MMS22L: variants seen among roughly 807,000 people sequenced by gnomAD.
MMS22L encodes the protein protein MMS22-like.
A neutral mutation model predicts 159.1 loss-of-function variants in MMS22L; 74 were observed. That is an observed-to-expected ratio of 0.47 (90% CI 0.39 to 0.56). MMS22L has a LOEUF of 0.56. MMS22L is among the 20% of genes least tolerant of loss of function. The pLI is 0.00. For synonymous variants in MMS22L, 517 were observed against 506.9 expected (o/e 1.02, Z -0.27); for missense variants, 1,351 against 1,422.1 (o/e 0.95, Z 0.80).
At chr6:97,262,316 T>G (rs1430125296) in intron 9 of MMS22L, among the ~76,000 whole-genome samples, 1 of 151,996 alleles carries the variant, frequency 6.6e-6, no homozygotes, top group Non-Finnish European at 1.5e-5. Context: ...ATAAATACAG[T>G]ACTTGCAAAC....
At chr6:97,150,846 A>G (rs1413680772) in intron 23 of MMS22L, among the ~76,000 whole-genome samples, 2 of 152,208 alleles carry the variant, frequency 1.3e-5, no homozygotes, top group Non-Finnish European at 2.9e-5. Context: ...GTGAACTGGA[A>G]GAAATCTTCA....
chr6:97,187,316 C>T (rs1805352770), intron 14 of MMS22L, among the ~76,000 whole-genome samples: 1 of 152,086 alleles, frequency 6.6e-6, no homozygotes, highest in Non-Finnish European at 1.5e-5. Flanking sequence ...TAATCATTTA[C>T]TCACCTTTGC....
intron 22 of MMS22L, among the ~76,000 whole-genome samples, chr6:97,156,442 T>C (rs1375994467): frequency 6.6e-6 from 1 of 152,256 alleles, no homozygotes; most frequent in Admixed American, 6.5e-5. Flanking sequence ...AGGGTTTTTA[T>C]GGTTTTAGGT....
chr6:97,161,949 G>A, intron 22 of MMS22L, 53 bp downstream of exon 22: 1 of 1,543,330 alleles, frequency 6.5e-7, no homozygotes, highest in Non-Finnish European at 8.8e-7. Flanking sequence ...GGAAACAGTA[G>A]TTTCTTAACT....
intron 10 of MMS22L, among the ~76,000 whole-genome samples, chr6:97,251,950 GC>G (rs1376267305): frequency 6.6e-6 from 1 of 152,150 alleles, no homozygotes; most frequent in African/African-American, 2.4e-5. Flanking sequence ...AGGCGTGGTG[GC>G]CGGCACCTGT....
rs772865887 is a variant in MMS22L, at chr6:97,165,499, C to T, written c.3010-42G>A. 6 of 1,510,856 alleles carry T rather than the reference C, an allele frequency of 4.0e-6. No homozygotes were observed. The African/African-American group carries it at 8.4e-5, about 21-fold the overall frequency. The allele number at this position is 1,510,856 out of a possible 1,614,324, so 93.6% of individuals were successfully genotyped here. A position where few individuals can be genotyped will look rare whatever the true frequency, so the allele number is the denominator to read the frequency against. ...TAAGAAATACTAAGAGGTAAAGTTT[C>T]AAAGAACAAACAATATTTAGAAACT... On this transcript the variant is annotated intron_variant, in intron 20 of 24. Coordinates refer to ENST00000683635, the MANE Select transcript of MMS22L (RefSeq NM_001350599.2).
At chr6:97,166,049 G>T (rs1473739060) in intron 20 of MMS22L, among the ~76,000 whole-genome samples, 1 of 152,050 alleles carries the variant, frequency 6.6e-6, no homozygotes, top group Admixed American at 6.6e-5. Context: ...TAGTAATATT[G>T]TATCTCCATT....
At chr6:97,254,770 G>C in intron 9 of MMS22L, 37 bp from the exon 10 acceptor site, 1 of 1,488,042 alleles carries the variant, frequency 6.7e-7, no homozygotes. Context: ...CATTAAGACA[G>C]TTTCAATAAC....
intron 8 of MMS22L, chr6:97,266,601 A>G (rs1226963447): frequency 6.6e-6 from 1 of 152,224 alleles, no homozygotes; most frequent in Non-Finnish European, 1.5e-5. Context: ...GCTACCTTGT[A>G]TATGTGGTCT....
intron 14 of MMS22L, among the ~76,000 whole-genome samples, chr6:97,201,787 A>T (rs987237010): frequency 6.6e-6 from 1 of 152,214 alleles, no homozygotes; most frequent in African/African-American, 2.4e-5. Flanking sequence ...ATTCACTAAA[A>T]ATTTATTACT....
chr6:97,208,900 C>T (rs141625631), intron 14 of MMS22L, among the ~76,000 whole-genome samples: 424 of 152,110 alleles, frequency 2.8e-3, no homozygotes, highest in Non-Finnish European at 4.8e-3. Context: ...ACCTAAAAAA[C>T]ATTTAACCCG....
intron 7 of MMS22L, among the ~76,000 whole-genome samples, chr6:97,269,043 C>A (rs1421072007): frequency 1.3e-5 from 2 of 151,966 alleles, no homozygotes; most frequent in East Asian, 3.9e-4. Context: ...AAATGGGCAA[C>A]ATATCCACAA....
At chr6:97,159,652 G>GT (rs1802216471) in intron 22 of MMS22L, among the ~76,000 whole-genome samples, 3 of 151,970 alleles carry the variant, frequency 2.0e-5, no homozygotes, top group Admixed American at 2.0e-4. Context: ...AAATCTGAAA[G>GT]TATTTGAGCT....
intron 14 of MMS22L, among the ~76,000 whole-genome samples, chr6:97,206,926 A>AC (rs373210715): frequency 6.6e-6 from 1 of 152,194 alleles, no homozygotes; most frequent in African/African-American, 2.4e-5. Flanking sequence ...TGTTAACACT[A>AC]CCTTGGAGCT....
chr6:97,282,748 G>A (rs1471320371), intron 1 of MMS22L, among the ~76,000 whole-genome samples, 195 bp from the exon 2 acceptor site: 1 of 152,140 alleles, frequency 6.6e-6, no homozygotes, highest in Non-Finnish European at 1.5e-5. Context: ...CAGGGACCTC[G>A]AAATCCGGCC....
chr6:97,167,485 G>C (rs914244879), intron 20 of MMS22L, among the ~76,000 whole-genome samples: 3 of 152,038 alleles, frequency 2.0e-5, no homozygotes, highest in Non-Finnish European at 4.4e-5. Context: ...TCTTACATAT[G>C]ACCACCAGAA....
intron 10 of MMS22L, among the ~76,000 whole-genome samples, chr6:97,253,163 G>A (rs944249741): frequency 6.6e-6 from 1 of 152,050 alleles, no homozygotes; most frequent in Non-Finnish European, 1.5e-5. Context: ...TATATTCTGG[G>A]ATCTCCTACA....
chr6:97,172,998 C>A, intron 19 of MMS22L, 65 bp downstream of exon 19: 1 of 1,479,544 alleles, frequency 6.8e-7, no homozygotes, highest in South Asian at 1.3e-5. Flanking sequence ...TATACCTATC[C>A]ATCATGATAG....
chr6:97,204,547 T>G (rs1254719302), intron 14 of MMS22L, among the ~76,000 whole-genome samples: 1 of 152,112 alleles, frequency 6.6e-6, no homozygotes, highest in Non-Finnish European at 1.5e-5. Context: ...ATCCCAACAC[T>G]TTGGGAGGCC....
Sources: gnomAD v4.1 joint callset for allele counts (sites outside exome capture counted in the v4.1 genomes callset) on GRCh38, gnomAD v4.1.1 for gene constraint, MANE v1.5 for transcripts, NCBI Gene and HGNC (gene_info 2026-07-23, HGNC 2026-07-21) for gene names.